The following MORF4L1 variants were observed in gnomAD, a reference collection of about 807,000 sequenced individuals.
The protein encoded by MORF4L1 is mortality factor 4-like protein 1.
In MORF4L1, 4 loss-of-function variants were observed where a neutral mutation model predicts 52.9. The ratio of observed to expected loss-of-function variants is 0.08; its 90% confidence interval spans 0.04 to 0.17. The LOEUF (loss-of-function observed/expected upper bound fraction) is 0.17. MORF4L1 is among the 10% of genes least tolerant of loss of function. The pLI is 1.00. For missense variants in MORF4L1, 214 were observed against 390.4 expected (o/e 0.55, Z 3.81); for synonymous variants, 123 against 134.8 (o/e 0.91, Z 0.61).
intron 3 of MORF4L1, chr15:78,884,951 A>G (rs754468740): frequency 4.4e-6 from 7 of 1,596,344 alleles, no homozygotes; most frequent in Non-Finnish European, 6.0e-6. Flanking sequence ...ACTTTGTACT[A>G]TGCTGTCTGT....
chr15:78,886,441 C>A (rs557087289), intron 4 of MORF4L1: 2 of 554,260 alleles, frequency 3.6e-6, no homozygotes, highest in African/African-American at 1.9e-5. Flanking sequence ...TATCTTAGAC[C>A]TAGGTAGAAA....
chr15:78,893,512 T>A, intron 8 of MORF4L1, 27 bp from the exon 9 acceptor site: 1 of 1,448,592 alleles, frequency 6.9e-7, no homozygotes, highest in Non-Finnish European at 9.7e-7. Flanking sequence ...AGAGTGCTTA[T>A]ATTTAAGCAT....
At chr15:78,891,043 T>C (rs773240947) in intron 6 of MORF4L1, 29 bp downstream of exon 6, 7 of 1,477,500 alleles carry the variant, frequency 4.7e-6, no homozygotes, top group Admixed American at 2.0e-5. Context: ...TTAACGTTAA[T>C]TTATGTTACC....
At chr15:78,884,658 A>AAC (rs1555439819) in intron 3 of MORF4L1, among the ~76,000 whole-genome samples, 2 of 9,006 alleles carry the variant, frequency 2.2e-4, no homozygotes, top group African/African-American at 4.7e-4. Context: ...AAAAAAAAAA[A>AAC]ATACACACAC....
intron 3 of MORF4L1, 40 bp from the exon 4 acceptor site, chr15:78,886,101 G>C (rs1406753867): frequency 6.1e-6 from 9 of 1,474,442 alleles, no homozygotes; most frequent in Non-Finnish European, 8.5e-6. Flanking sequence ...TTGGAGAACA[G>C]AGTATTTTTG....
chr15:78,878,207 T>C lies in MORF4L1; in HGVS notation c.41-6T>C. The C allele has an allele frequency of 6.2e-7, 1 of 1,611,296 alleles. No individual in the cohort carries two copies. Among genetic ancestry groups the C allele is most frequent in the Non-Finnish European group, 8.5e-7 (1 of 1,179,144 alleles). On this transcript the variant is annotated splice_region_variant and splice_polypyrimidine_tract_variant and intron_variant, in intron 1 of 11. Coordinates refer to ENST00000426013, the MANE Select transcript of MORF4L1 (RefSeq NM_006791.4). The stretch of plus-strand genomic sequence containing the variant: ...TTACAATTCAGTACTTTTTCTCCCT[T>C]TACAGGTGAGCGAGTGCTGTGCTTT...
At chr15:78,873,110 G>A in intron 1 of MORF4L1, 53 bp downstream of exon 1, 1 of 1,547,546 alleles carries the variant, frequency 6.5e-7, no homozygotes, top group Non-Finnish European at 8.7e-7. Context: ...AGATAGAGGC[G>A]GGCTCGAGGT....
intron 11 of MORF4L1, among the ~76,000 whole-genome samples, 154 bp from the exon 12 acceptor site, chr15:78,896,829 A>G (rs760275158): frequency 3.3e-5 from 5 of 152,122 alleles, no homozygotes; most frequent in Non-Finnish European, 5.9e-5. Flanking sequence ...ATTTACCTGA[A>G]TTGTCATTAT....
intron 1 of MORF4L1, chr15:78,874,066 C>T (rs2056429703): frequency 6.6e-6 from 1 of 152,158 alleles, no homozygotes; most frequent in Admixed American, 6.6e-5. Context: ...GACTGACTCC[C>T]AGTGGAAGGC....
intron 6 of MORF4L1, 199 bp downstream of exon 6, chr15:78,891,213 T>G (rs1466020985): frequency 1.4e-6 from 1 of 723,008 alleles, no homozygotes; most frequent in Non-Finnish European, 2.3e-6. Flanking sequence ...GCATTTATTT[T>G]CATCTGCTTT....
intron 1 of MORF4L1, among the ~76,000 whole-genome samples, chr15:78,875,319 G>C (rs765127763): frequency 1.3e-5 from 2 of 152,166 alleles, no homozygotes; most frequent in South Asian, 2.1e-4. Flanking sequence ...AGATTTCCTT[G>C]TGCCGTTTTA....
intron 5 of MORF4L1, 104 bp from the exon 6 acceptor site, chr15:78,890,885 A>C: frequency 8.9e-7 from 1 of 1,122,106 alleles, no homozygotes; most frequent in East Asian, 3.9e-5. Context: ...CTGATCCTTT[A>C]TCCAAGTTAG....
chr15:78,873,444 G>T (rs918860517), intron 1 of MORF4L1, among the ~76,000 whole-genome samples: 2 of 152,130 alleles, frequency 1.3e-5, no homozygotes, highest in East Asian at 1.9e-4. Context: ...GGCTGTTTCG[G>T]GCGGTCCTGC....
intron 11 of MORF4L1, 33 bp from the exon 12 acceptor site, chr15:78,896,950 T>C (rs2056900682): frequency 6.4e-7 from 1 of 1,571,242 alleles, no homozygotes; most frequent in Non-Finnish European, 8.7e-7. Flanking sequence ...TAATGACCTT[T>C]AAAAATTTTT....
At chr15:78,893,356 A>C (rs1406452380) in intron 8 of MORF4L1, among the ~76,000 whole-genome samples, 183 bp from the exon 9 acceptor site, 1 of 152,214 alleles carries the variant, frequency 6.6e-6, no homozygotes, top group Non-Finnish European at 1.5e-5. Context: ...AGTCCAAACC[A>C]TTGTAAGTTG....
rs749237951 is a variant in MORF4L1 at position 78,887,340 on chromosome 15, ATGT to A, written c.317_319del (p.Val106del). The A allele has an allele frequency of 6.2e-7, 1 of 1,611,298 alleles. No individual in the cohort carries two copies. The highest frequency in any genetic ancestry group is 8.5e-7 in the Non-Finnish European group (1 of 1,179,356). ...AAGACATCTGGTCTGCAACAGAAAAATGTTGAAGTGTAAGAAGCTCTTTGTTTT... is the reference window on the plus strand; with the variant it reads ...AAGACATCTGGTCTGCAACAGAAAAATGAAGTGTAAGAAGCTCTTTGTTTT... On this transcript the variant is annotated inframe_deletion, in exon 5 of 12. Coordinates refer to ENST00000426013, the MANE Select transcript of MORF4L1 (RefSeq NM_006791.4).
At chr15:78,881,240 C>T (rs1179868574) in intron 3 of MORF4L1, among the ~76,000 whole-genome samples, 4 of 116,106 alleles carry the variant, frequency 3.4e-5, no homozygotes, top group Non-Finnish European at 6.6e-5. Flanking sequence ...GTTGCCCAGG[C>T]TGGAGTGTGC....
At chr15:78,886,481 G>A (rs1418037501) in intron 4 of MORF4L1, 1 of 411,812 alleles carries the variant, frequency 2.4e-6, no homozygotes, top group Non-Finnish European at 4.4e-6. Context: ...AATTGCTATA[G>A]GTATGAACTC....
intron 4 of MORF4L1, 69 bp downstream of exon 4, chr15:78,886,296 C>A: frequency 1.5e-6 from 2 of 1,318,916 alleles, no homozygotes; most frequent in Non-Finnish European, 2.2e-6. Context: ...ATGGAATGAA[C>A]AATGGAGATC....
Sources: gnomAD v4.1 joint callset for allele counts (sites outside exome capture counted in the v4.1 genomes callset) on GRCh38, gnomAD v4.1.1 for gene constraint, MANE v1.5 for transcripts, NCBI Gene and HGNC (gene_info 2026-07-23, HGNC 2026-07-21) for gene names.